The following ME2 variants were observed in gnomAD, a reference collection of about 807,000 sequenced individuals.
ME2 encodes NAD-dependent malic enzyme, mitochondrial.
ME2 carries 60 observed loss-of-function variants against 73.7 expected under a neutral mutation model. That is an observed-to-expected ratio of 0.81 (90% CI 0.66 to 1.01). The LOEUF is 1.01. Ranked by LOEUF, ME2 falls within the 50% of genes least tolerant of loss-of-function variation. The pLI, the probability that ME2 is intolerant of heterozygous loss-of-function variation, is 0.00. For synonymous variants in ME2, 199 were observed against 236.9 expected, an observed-to-expected ratio of 0.84 and a Z score of 1.47; for missense variants, 594 against 705.5, an observed-to-expected ratio of 0.84 and a Z score of 1.79.
intron 7 of ME2, among the ~76,000 whole-genome samples, chr18:50,919,237 G>A (rs959525274): frequency 6.6e-5 from 10 of 152,212 alleles, no homozygotes; most frequent in Middle Eastern, 3.4e-3. Context: ...GTTTTGAAAC[G>A]TGTGCTTCAT....
chr18:50,900,381 G>A (rs1210289409), intron 2 of ME2, among the ~76,000 whole-genome samples: 10 of 151,726 alleles, frequency 6.6e-5, no homozygotes, highest in African/African-American at 2.4e-4. Flanking sequence ...TGCAAGCTCT[G>A]CCTTCTGGGT....
intron 9 of ME2, 56 bp from the exon 10 acceptor site, chr18:50,921,018 A>G (rs1490135548): frequency 1.2e-6 from 1 of 846,758 alleles, no homozygotes; most frequent in Non-Finnish European, 1.8e-6. Flanking sequence ...ATATAAAGTA[A>G]TTCAAGCATT....
chr18:50,886,805 A>G lies in ME2; in HGVS notation c.-13+7497A>G, dbSNP rs547461309. On this transcript the variant is annotated intron_variant, in intron 1 of 15. Coordinates refer to ENST00000321341, the MANE Select transcript of ME2 (RefSeq NM_002396.5). Reference sequence around the variant, plus strand: ...CAATTGAGGCCAGGAGTTTGAGACCAGCCTGGGCAACATAGAGAGACCCCG... The same window carrying G: ...CAATTGAGGCCAGGAGTTTGAGACCGGCCTGGGCAACATAGAGAGACCCCG... 7.9e-5 allele frequency among the ~76,000 whole-genome samples: 12 copies of G among 152,248 alleles called. No individual in the cohort carries two copies. In the South Asian group the frequency reaches 2.3e-3, roughly 29 times the overall value.
chr18:50,940,210 C>T (rs1917914121), intron 14 of ME2, 78 bp from the exon 15 acceptor site: 2 of 923,864 alleles, frequency 2.2e-6, no homozygotes, highest in African/African-American at 1.7e-5. Flanking sequence ...TCTCTGTTTC[C>T]CCAATGCTTT....
rs917186709 is a variant in ME2 at position 50,948,536 on chromosome 18, T to A, written c.*1352T>A. 1 of 150,030 alleles carries A rather than the reference T, an allele frequency of 6.7e-6. No homozygotes were observed. The highest frequency in any genetic ancestry group is 1.5e-5 in the Non-Finnish European group (1 of 67,780). 9.3% of individuals were successfully genotyped at this position (150,030 alleles called of 1,614,324 possible). On this transcript the variant is annotated 3_prime_UTR_variant, in exon 16 of 16. Coordinates refer to ENST00000321341, the MANE Select transcript of ME2 (RefSeq NM_002396.5). ...TCATCTTCTGCCTATGAATACAAAT[T>A]GATTCTTTTTTTTTTTTTTTTTTTT...
At chr18:50,881,383 C>G (rs1916317881) in intron 1 of ME2, among the ~76,000 whole-genome samples, 1 of 152,068 alleles carries the variant, frequency 6.6e-6, no homozygotes, top group Non-Finnish European at 1.5e-5. Context: ...CCTATATTTA[C>G]TAAGGATTAA....
chr18:50,881,172 G>C (rs534898942), intron 1 of ME2, among the ~76,000 whole-genome samples: 21 of 152,326 alleles, frequency 1.4e-4, no homozygotes, highest in African/African-American at 4.8e-4. Context: ...GGGACTACAG[G>C]CATGCACCAC....
chr18:50,919,063 A>T (rs62095104), intron 7 of ME2, among the ~76,000 whole-genome samples: 5 of 20,824 alleles, frequency 2.4e-4, no homozygotes, highest in African/African-American at 6.6e-4. Flanking sequence ...TCCGTCAGTC[A>T]GATTTCAGAT....
At chr18:50,882,258 C>G (rs1390178905) in intron 1 of ME2, among the ~76,000 whole-genome samples, 1 of 152,308 alleles carries the variant, frequency 6.6e-6, no homozygotes, top group East Asian at 1.9e-4. Flanking sequence ...CTTGGCCTCC[C>G]AAAGTGCTGG....
chr18:50,889,054 C>T (rs1916547266), intron 1 of ME2, among the ~76,000 whole-genome samples: 4 of 152,080 alleles, frequency 2.6e-5, no homozygotes, highest in Non-Finnish European at 1.5e-5. Context: ...TTTAAATGTA[C>T]AGTAGATTGT....
rs549807496 is a variant in ME2 at position 50,931,571 on chromosome 18, C to G, written c.1315-687C>G. Reference sequence around the variant, plus strand: ...TTAGCGGATATATAGTAAATGACAGCCATTTGTTTTGGTATTTCCCCTTCA... The same window carrying G: ...TTAGCGGATATATAGTAAATGACAGGCATTTGTTTTGGTATTTCCCCTTCA... On this transcript the variant is annotated intron_variant, in intron 12 of 15. Transcript: ENST00000321341. Among the ~76,000 whole-genome samples, 4 of 152,098 alleles carry G rather than the reference C, an allele frequency of 2.6e-5. No homozygotes were observed. In the South Asian group the frequency reaches 8.3e-4, roughly 32 times the overall value.
chr18:50,880,054 C>T (rs1428174388), intron 1 of ME2, among the ~76,000 whole-genome samples: 11 of 152,190 alleles, frequency 7.2e-5, no homozygotes, highest in Admixed American at 7.2e-4. Context: ...GATTTACCTT[C>T]CTGATGCTTG....
chr18:50,939,334 A>G (rs1342845947), intron 13 of ME2: 1 of 410,358 alleles, frequency 2.4e-6, no homozygotes, highest in African/African-American at 2.0e-5. Flanking sequence ...ATTTTCATAA[A>G]TGTAAAAACT....
intron 1 of ME2, among the ~76,000 whole-genome samples, chr18:50,887,300 C>A (rs1916495473): frequency 6.6e-6 from 1 of 152,150 alleles, no homozygotes; most frequent in Non-Finnish European, 1.5e-5. Context: ...AGAGAGAAAT[C>A]TCCACATGCA....
At chr18:50,943,675 A>G (rs1430320538) in intron 15 of ME2, among the ~76,000 whole-genome samples, 3 of 152,148 alleles carry the variant, frequency 2.0e-5, no homozygotes, top group Admixed American at 6.6e-5. Context: ...TTGGTAAAGG[A>G]TGGTATGTTC....
At chr18:50,914,357 C>T (rs1917235879) in intron 4 of ME2, among the ~76,000 whole-genome samples, 2 of 152,136 alleles carry the variant, frequency 1.3e-5, no homozygotes, top group Non-Finnish European at 2.9e-5. Flanking sequence ...ATACTGATGC[C>T]TGAGCCCCAC....
At chr18:50,934,030 T>C (rs1281008867) in intron 13 of ME2, 1 of 152,226 alleles carries the variant, frequency 6.6e-6, no homozygotes, top group East Asian at 1.9e-4. Flanking sequence ...TTTTTTTTTA[T>C]TTATACACAT....
chr18:50,883,633 C>T (rs766223163), intron 1 of ME2, among the ~76,000 whole-genome samples: 7 of 152,224 alleles, frequency 4.6e-5, no homozygotes, highest in African/African-American at 1.4e-4. Context: ...GAGGCCGAGG[C>T]GGGCGGATCA....
Position 50,880,290 on chromosome 18 carries a change from C to G in ME2, c.-13+982C>G, listed in dbSNP as rs542063035. ...GTAGGTTAAGTAACTTGCCTAAGAC[C>G]ACAGTTTTAACGTGACAAAGCCTAG... On this transcript the variant is annotated intron_variant, in intron 1 of 15. Transcript: ENST00000321341. Among the ~76,000 whole-genome samples, 10 of 152,208 alleles carry G rather than the reference C, an allele frequency of 6.6e-5. No homozygotes were observed. In the East Asian group the frequency reaches 1.7e-3, roughly 26 times the overall value.
Sources: gnomAD v4.1 joint callset for allele counts (sites outside exome capture counted in the v4.1 genomes callset) on GRCh38, gnomAD v4.1.1 for gene constraint, MANE v1.5 for transcripts, NCBI Gene and HGNC (gene_info 2026-07-23, HGNC 2026-07-21) for gene names.